Variants in NXPE4 observed in about 807,000 individuals in gnomAD.
The protein encoded by NXPE4 is neurexophilin and PC-esterase domain family member 4.
A neutral mutation model predicts 33.3 loss-of-function variants in NXPE4; 42 were observed. That is an observed-to-expected ratio of 1.26 (90% confidence interval 0.98 to 1.63). NXPE4 has a LOEUF of 1.63. Ranked by LOEUF, NXPE4 falls within the 40% of genes most tolerant of loss-of-function variation. The pLI, the probability that NXPE4 is intolerant of heterozygous loss-of-function variation, is 0.00. For missense variants in NXPE4, 709 were observed against 647.6 expected, an observed-to-expected ratio of 1.09 and a Z score of -1.03; for synonymous variants, 253 against 234.9, an observed-to-expected ratio of 1.08 and a Z score of -0.71.
chr11:114,617,874 C>A, the NXPE4 span, among the ~76,000 whole-genome samples: 1 of 152,058 alleles, frequency 6.6e-6, no homozygotes, highest in South Asian at 2.1e-4. Flanking sequence ...TCATGGGTAA[C>A]CACTCTTACC....
At chr11:114,657,182 C>T in the NXPE4 span, among the ~76,000 whole-genome samples, 2 of 152,166 alleles carry the variant, frequency 1.3e-5, no homozygotes, top group South Asian at 2.1e-4. Context: ...ATGCTAGGAC[C>T]TCCACATGGA....
chr11:114,589,142 G>T (rs1320891162), intron 2 of NXPE4, among the ~76,000 whole-genome samples: 1 of 152,126 alleles, frequency 6.6e-6, no homozygotes, highest in Non-Finnish European at 1.5e-5. Context: ...GAAGCAAGAA[G>T]AAGCCACCTC....
the NXPE4 span, among the ~76,000 whole-genome samples, chr11:114,625,989 A>G: frequency 6.6e-6 from 1 of 152,136 alleles, no homozygotes; most frequent in Admixed American, 6.5e-5. Context: ...ACGGCGCACC[A>G]GGAGATTATA....
the NXPE4 span, among the ~76,000 whole-genome samples, chr11:114,671,137 C>T: frequency 2.0e-5 from 3 of 149,326 alleles, no homozygotes; most frequent in Non-Finnish European, 3.0e-5. Context: ...TTGAAAAGTA[C>T]AATAACTGAT....
At chr11:114,576,969 A>C (rs1949006727) in intron 5 of NXPE4, among the ~76,000 whole-genome samples, 1 of 134,802 alleles carries the variant, frequency 7.4e-6, no homozygotes, top group Non-Finnish European at 1.5e-5. Flanking sequence ...TGGATAAAGA[A>C]GATGTTTATA....
chr11:114,584,146 G>A, intron 2 of NXPE4: 1 of 288,740 alleles, frequency 3.5e-6, no homozygotes, highest in Non-Finnish European at 6.8e-6. Flanking sequence ...TGTTATTGAT[G>A]GCAGAAGGTG....
chr11:114,584,900 C>T (rs1438408885), intron 2 of NXPE4, among the ~76,000 whole-genome samples: 1 of 152,168 alleles, frequency 6.6e-6, no homozygotes, highest in African/African-American at 2.4e-5. Context: ...TGCCACCTAT[C>T]CCTCTGCAGG....
intron 2 of NXPE4, among the ~76,000 whole-genome samples, chr11:114,592,531 T>TCACA (rs556698266): frequency 1.3e-5 from 2 of 148,152 alleles, no homozygotes; most frequent in Non-Finnish European, 1.5e-5. Context: ...ACACACACAC[T>TCACA]CACACACACA....
At chr11:114,580,017 TG>T in intron 5 of NXPE4, 114 bp downstream of exon 5, 1 of 865,792 alleles carries the variant, frequency 1.2e-6, no homozygotes, top group Non-Finnish European at 1.9e-6. Flanking sequence ...AATTTTGGTG[TG>T]TTGTGATTGA....
the NXPE4 span, among the ~76,000 whole-genome samples, chr11:114,630,706 C>G: frequency 5.3e-5 from 8 of 150,982 alleles, no homozygotes; most frequent in African/African-American, 2.0e-4. Flanking sequence ...TTCTGCACAG[C>G]AAAAGAAACT....
At chr11:114,589,844 T>C (rs1949402135) in intron 2 of NXPE4, among the ~76,000 whole-genome samples, 1 of 152,042 alleles carries the variant, frequency 6.6e-6, no homozygotes, top group South Asian at 2.1e-4. Context: ...ACCCCAATAT[T>C]AGGAGCACAA....
In NXPE4 at chr11:114,582,893, GA is replaced by G. The variant is rs754812838; in HGVS notation, c.224del (p.Ile75ThrfsTer2). The G allele has an allele frequency of 1.9e-6, 3 of 1,614,136 alleles. No homozygotes were observed. Among genetic ancestry groups the G allele is most frequent in the Non-Finnish European group, 2.5e-6 (3 of 1,180,008 alleles). The stretch of plus-strand genomic sequence containing the variant: ...GGATCTGCTGATCTAGTTTCTCTAT[GA>G]TTTCCTTTATTCTGAGTTCAGTCTC... ...LTETELRIKEIIEKLDQQIPP... is the reference protein window; with the variant it reads ...LTETELRIKEXIEKLDQQIPP... On this transcript the variant is annotated frameshift_variant, in exon 3 of 6. Coordinates refer to ENST00000375478, the MANE Select transcript of NXPE4 (RefSeq NM_001077639.2). LOFTEE classifies it high-confidence loss of function.
chr11:114,665,547 A>C, the NXPE4 span, among the ~76,000 whole-genome samples: 3 of 152,212 alleles, frequency 2.0e-5, no homozygotes, highest in African/African-American at 7.2e-5. Flanking sequence ...ACCTTTTAAA[A>C]TATTTCAACA....
the NXPE4 span, among the ~76,000 whole-genome samples, chr11:114,639,289 T>TC: frequency 1.3e-5 from 2 of 152,074 alleles, no homozygotes; most frequent in African/African-American, 4.8e-5. Flanking sequence ...GGATATAATC[T>TC]CCTGGTGCAC....
In NXPE4 at chr11:114,582,407, G is replaced by A. The variant is rs770461413; in HGVS notation, c.711C>T (p.Asp237=). The change falls in exon 3 of 6, where the codon GAC becomes GAT. Residue 237 remains aspartate, a synonymous_variant. Coordinates refer to ENST00000375478, the MANE Select transcript of NXPE4 (RefSeq NM_001077639.2). ...GCCTCACACAGTAGAAGCCTTCTTGGTCTCTGTTGTCCAGGTACTGGCACA... is the reference window on the plus strand; with the variant it reads ...GCCTCACACAGTAGAAGCCTTCTTGATCTCTGTTGTCCAGGTACTGGCACA... ...AELCQYLDNR[D]QEGFYCVRPQ... 3 of 1,614,176 alleles carry A rather than the reference G, an allele frequency of 1.9e-6. No individual in the cohort carries two copies. The highest frequency in any genetic ancestry group is 2.5e-6 in the Non-Finnish European group (3 of 1,180,008).
the NXPE4 span, among the ~76,000 whole-genome samples, chr11:114,607,627 T>A: frequency 6.6e-6 from 1 of 151,646 alleles, no homozygotes; most frequent in Non-Finnish European, 1.5e-5. Flanking sequence ...ACCCGGTGGA[T>A]AAGTGTTGCC....
chr11:114,573,067 TA>T (rs1948925489), intron 5 of NXPE4, among the ~76,000 whole-genome samples: 1 of 152,094 alleles, frequency 6.6e-6, no homozygotes, highest in Non-Finnish European at 1.5e-5. Context: ...TTAGCCTCCT[TA>T]AACAAAAAAA....
intron 5 of NXPE4, among the ~76,000 whole-genome samples, chr11:114,578,259 T>C (rs141264452): frequency 6.6e-6 from 1 of 152,348 alleles, no homozygotes; most frequent in Non-Finnish European, 1.5e-5. Context: ...TTCACTCTGC[T>C]TCCAACTTAC....
the NXPE4 span, among the ~76,000 whole-genome samples, chr11:114,613,866 C>T: frequency 6.6e-6 from 1 of 151,820 alleles, no homozygotes; most frequent in Non-Finnish European, 1.5e-5. Context: ...TAATAGGTAA[C>T]CACTTTTGCC....
Sources: gnomAD v4.1 joint callset for allele counts (sites outside exome capture counted in the v4.1 genomes callset) on GRCh38, gnomAD v4.1.1 for gene constraint, MANE v1.5 for transcripts, NCBI Gene and HGNC (gene_info 2026-07-23, HGNC 2026-07-21) for gene names.